Variants in WDPCP observed in about 807,000 individuals in gnomAD.
WDPCP encodes WD repeat-containing and planar cell polarity effector protein fritz homolog.
Under a neutral mutation model 93.1 loss-of-function variants are expected in WDPCP, and 71 were observed. That is an observed-to-expected ratio of 0.76 (90% CI 0.63 to 0.93). The LOEUF is 0.93. Ranked by LOEUF, WDPCP falls within the 40% of genes least tolerant of loss-of-function variation. The pLI is 0.00. For synonymous variants in WDPCP, 315 were observed against 315.0 expected (o/e 1.00, Z 0.00); for missense variants, 844 against 887.4 (o/e 0.95, Z 0.62).
At chr2:63,654,645 A>G (rs1473398876) in intron 2 of WDPCP, among the ~76,000 whole-genome samples, 2 of 151,978 alleles carry the variant, frequency 1.3e-5, no homozygotes, top group Non-Finnish European at 2.9e-5. Context: ...TGGTTCCAGG[A>G]CCCCCCAGGG....
At chr2:63,832,618 A>T (rs1671230668), upstream of WDPCP, among the ~76,000 whole-genome samples, 1 of 152,190 alleles carries the variant, frequency 6.6e-6, no homozygotes, top group South Asian at 2.1e-4. Flanking sequence ...CATCCAAAAC[A>T]TGTTTCCAAT....
chr2:63,471,746 G>A (rs1444468931), intron 6 of WDPCP, among the ~76,000 whole-genome samples: 5 of 152,132 alleles, frequency 3.3e-5, no homozygotes, highest in Non-Finnish European at 5.9e-5. Flanking sequence ...CTAAGGCACA[G>A]TCATTCTAAA....
intron 1 of WDPCP, among the ~76,000 whole-genome samples, chr2:63,822,675 C>T (rs1029306589): frequency 1.3e-5 from 2 of 151,870 alleles, no homozygotes; most frequent in East Asian, 3.9e-4. Context: ...TGCTTGTGGC[C>T]GAAAGTTTGT....
rs536812711 is a variant in WDPCP at position 63,285,628 on chromosome 2, C to G, written c.1813-26219G>C. On this transcript the variant is annotated intron_variant, in intron 13 of 17. Coordinates refer to ENST00000272321, the MANE Select transcript of WDPCP (RefSeq NM_015910.7). ...CTGAAATGCCTATATTAATAAAGGA[C>G]CAGTAAACTTCAGAACAGTAACTAT... 1.6e-4 allele frequency among the ~76,000 whole-genome samples: 24 copies of G among 151,978 alleles called. No individual in the cohort carries two copies. In the South Asian group the frequency reaches 5.0e-3, roughly 32 times the overall value.
chr2:63,280,429 C>T (rs1461944831), intron 13 of WDPCP, among the ~76,000 whole-genome samples: 1 of 152,154 alleles, frequency 6.6e-6, no homozygotes, highest in Non-Finnish European at 1.5e-5. Flanking sequence ...CCCATGGGTC[C>T]CTCCCACAAC....
chr2:63,804,376 C>T (rs905454274), intron 2 of WDPCP, among the ~76,000 whole-genome samples: 72 of 151,860 alleles, frequency 4.7e-4, no homozygotes, highest in African/African-American at 1.6e-3. Context: ...CTCAGCCTCC[C>T]GAGTAGCTGG....
At chr2:63,219,677 C>G (rs1202044463) in intron 14 of WDPCP, among the ~76,000 whole-genome samples, 1 of 152,094 alleles carries the variant, frequency 6.6e-6, no homozygotes, top group Non-Finnish European at 1.5e-5. Context: ...AAATATGTAT[C>G]ATTTTCACTG....
At chr2:63,511,733 A>C (rs1702246639) in intron 1 of WDPCP, among the ~76,000 whole-genome samples, 1 of 152,238 alleles carries the variant, frequency 6.6e-6, no homozygotes, top group Non-Finnish European at 1.5e-5. Context: ...CTTACACCTT[A>C]TACAAAAATT....
At chr2:63,546,845 A>G (rs1193918903) in intron 1 of WDPCP, among the ~76,000 whole-genome samples, 2 of 152,190 alleles carry the variant, frequency 1.3e-5, no homozygotes, top group Non-Finnish European at 2.9e-5. Context: ...CAGAAAATAA[A>G]TAACTATATT....
At chr2:63,577,280 G>C (rs1708178246) in intron 1 of WDPCP, among the ~76,000 whole-genome samples, 1 of 152,114 alleles carries the variant, frequency 6.6e-6, no homozygotes, top group Non-Finnish European at 1.5e-5. Flanking sequence ...TAAATAATTG[G>C]TTCAGTCAGA....
chr2:63,518,327 A>C (rs1178713027), intron 1 of WDPCP: 1 of 152,602 alleles, frequency 6.6e-6, no homozygotes, highest in Non-Finnish European at 1.5e-5. Flanking sequence ...AAGGGGAAGG[A>C]AGCTGGGAAC....
At chr2:63,302,686 A>C (rs894147232) in intron 13 of WDPCP, among the ~76,000 whole-genome samples, 1 of 152,216 alleles carries the variant, frequency 6.6e-6, no homozygotes, top group African/African-American at 2.4e-5. Flanking sequence ...GTTTTAATGA[A>C]AAAGGATTTG....
chr2:63,131,280 C>G (rs1451709897), intron 17 of WDPCP, among the ~76,000 whole-genome samples: 1 of 151,402 alleles, frequency 6.6e-6, no homozygotes, highest in African/African-American at 2.4e-5. Context: ...TTCTTACTGC[C>G]CTCCCTTTGT....
Position 63,327,219 on chromosome 2 carries a change from T to C in WDPCP, c.1749-13908A>G, listed in dbSNP as rs1243395340. Among the ~76,000 whole-genome samples, 4 of 152,196 alleles carry C rather than the reference T, an allele frequency of 2.6e-5. No individual in the cohort carries two copies. The East Asian group carries it at 5.8e-4, about 22-fold the overall frequency. On this transcript the variant is annotated intron_variant, in intron 12 of 17. Transcript: ENST00000272321. ...CAGACTTAGGAAAATTGCCTAATAATTGATCTGCTCAAACCTGCGAGTTGT... is the reference window on the plus strand; with the variant it reads ...CAGACTTAGGAAAATTGCCTAATAACTGATCTGCTCAAACCTGCGAGTTGT...
At chr2:63,516,585 T>A (rs1446310792) in intron 1 of WDPCP, among the ~76,000 whole-genome samples, 2 of 152,074 alleles carry the variant, frequency 1.3e-5, no homozygotes, top group African/African-American at 2.4e-5. Context: ...GAGGAGGGGA[T>A]GCTGGACTCT....
intron 2 of WDPCP, among the ~76,000 whole-genome samples, chr2:63,758,640 G>A (rs1045342636): frequency 3.3e-5 from 5 of 151,974 alleles, no homozygotes; most frequent in African/African-American, 7.3e-5. Flanking sequence ...GGCTTTCACC[G>A]TGTTGCCCAG....
intron 2 of WDPCP, among the ~76,000 whole-genome samples, chr2:63,489,167 A>C (rs1575514059): frequency 6.6e-6 from 1 of 152,270 alleles, no homozygotes; most frequent in East Asian, 1.9e-4. Context: ...AGGAGTAGCC[A>C]CAGAGATAGG....
At chr2:63,172,344 G>GA (rs1001460028) in intron 15 of WDPCP, among the ~76,000 whole-genome samples, 2 of 151,928 alleles carry the variant, frequency 1.3e-5, no homozygotes, top group African/African-American at 2.4e-5. Flanking sequence ...TGTTTCTACA[G>GA]AAAAAATACA....
chr2:63,289,673 G>T (rs1377831385), intron 13 of WDPCP, among the ~76,000 whole-genome samples: 1 of 151,992 alleles, frequency 6.6e-6, no homozygotes, highest in Non-Finnish European at 1.5e-5. Flanking sequence ...AAAAATGTCA[G>T]ATCAAGTTGG....
Sources: allele counts gnomAD v4.1 joint callset (sites outside exome capture counted in the v4.1 genomes callset), GRCh38; gene constraint gnomAD v4.1.1; transcripts MANE v1.5; gene names NCBI Gene and HGNC (gene_info 2026-07-23, HGNC 2026-07-21).